The following SHROOM4 variants were observed in gnomAD, a reference collection of about 807,000 sequenced individuals.
The protein encoded by SHROOM4 is protein Shroom4.
A neutral mutation model predicts 80.3 loss-of-function variants in SHROOM4; 17 were observed. That is an observed-to-expected ratio of 0.21 (90% confidence interval 0.14 to 0.32). The LOEUF is 0.32. Ranked by LOEUF, SHROOM4 falls within the 10% of genes least tolerant of loss-of-function variation. The probability of loss-of-function intolerance (pLI) is 1.00; values close to 1 mark genes in which losing one functional copy is unlikely to be tolerated. For synonymous variants in SHROOM4, 400 were observed against 437.5 expected (o/e 0.91, Z 1.07); for missense variants, 993 against 1,140.3 (o/e 0.87, Z 1.86).
At chrX:50,722,276 T>C (rs1238434575) in intron 1 of SHROOM4, among the ~76,000 whole-genome samples, 19 of 108,568 alleles carry the variant, frequency 1.8e-4, no homozygotes, top group African/African-American at 6.0e-4. Flanking sequence ...CCCACAGCAA[T>C]GTTCTGGGAA....
At chrX:50,778,194 G>A (rs1266393861) in intron 1 of SHROOM4, among the ~76,000 whole-genome samples, 2 of 112,221 alleles carry the variant, frequency 1.8e-5, no homozygotes, top group Non-Finnish European at 3.8e-5. Flanking sequence ...AGACTCTTGA[G>A]TACCCTTCAC....
rs1928804518 is a variant in SHROOM4 at position 50,588,519 on chromosome X, ATG to A, written c.*8174_*8175del. Among the ~76,000 whole-genome samples, 1 of 111,970 alleles carries A rather than the reference ATG, an allele frequency of 8.9e-6. No individual in the cohort carries two copies. The highest frequency in any genetic ancestry group is 1.9e-5 in the Non-Finnish European group (1 of 53,182). ...AGTTAAACATGCTCAAGGTTACACAATGTGTAAGTGGTGGAGCCAGTATGAAA... is the reference window on the plus strand; with the variant it reads ...AGTTAAACATGCTCAAGGTTACACAATGTAAGTGGTGGAGCCAGTATGAAA... On this transcript the variant is annotated 3_prime_UTR_variant, in exon 9 of 9. Transcript: ENST00000376020.
At chrX:50,701,444 GTCACCTCTA>G (rs1481856274) in intron 1 of SHROOM4, among the ~76,000 whole-genome samples, 1 of 111,509 alleles carries the variant, frequency 9.0e-6, no homozygotes. Context: ...CTGGGGCTCT[GTCACCTCTA>G]GCCATTTGTT....
chrX:50,619,037 T>G (rs1930465366), intron 5 of SHROOM4, among the ~76,000 whole-genome samples: 1 of 112,003 alleles, frequency 8.9e-6, no homozygotes, highest in African/African-American at 3.3e-5. Context: ...GGAGACTACA[T>G]CTCAAAAACA....
chrX:50,608,143 G>A lies in SHROOM4; in HGVS notation c.2999C>T (p.Pro1000Leu), dbSNP rs1458307733. Reference protein sequence around the residue: ...HSKTSFSWATPFHPCLENPAL... With the variant: ...HSKTSFSWATLFHPCLENPAL... Reference sequence around the variant, plus strand: ...TGGGTTCTCAAGGCAAGGATGGAAAGGGGTTGCCCATGAAAAGCTAGTCTT... The same window carrying A: ...TGGGTTCTCAAGGCAAGGATGGAAAAGGGTTGCCCATGAAAAGCTAGTCTT... The change falls in exon 6 of 9, where the codon CCT (proline) becomes CTT (leucine). Residue 1000 changes from proline (P) to leucine (L), a missense_variant. By Grantham distance (98) the Pro-to-Leu change is moderately conservative. Transcript: ENST00000376020. 8.3e-7 allele frequency: 1 copy of A among 1,210,049 alleles called. No homozygotes were observed.
intron 4 of SHROOM4, among the ~76,000 whole-genome samples, chrX:50,632,636 G>A (rs1255341436): frequency 1.8e-5 from 2 of 112,256 alleles, no homozygotes; most frequent in Admixed American, 1.9e-4. Flanking sequence ...AAAGCCTGGG[G>A]ATATTTGCAA....
intron 1 of SHROOM4, among the ~76,000 whole-genome samples, chrX:50,745,867 C>A (rs1934763982): frequency 9.0e-6 from 1 of 111,577 alleles, no homozygotes; most frequent in African/African-American, 3.3e-5. Flanking sequence ...ATAAGTGATT[C>A]TCAATTTGTT....
At chrX:50,656,632 C>G (rs1557259479) in intron 2 of SHROOM4, among the ~76,000 whole-genome samples, 2 of 110,566 alleles carry the variant, frequency 1.8e-5, no homozygotes. Context: ...ATGCCAGTAC[C>G]ATACTGTTTT....
At chrX:50,687,181 T>A (rs1557262313) in intron 2 of SHROOM4, 1 of 110,949 alleles carries the variant, frequency 9.0e-6, no homozygotes, top group African/African-American at 3.3e-5. Flanking sequence ...GCAAACTTAG[T>A]CTGTGAAGGG....
intron 2 of SHROOM4, among the ~76,000 whole-genome samples, chrX:50,645,102 T>C (rs1191377741): frequency 1.8e-5 from 2 of 111,652 alleles, no homozygotes; most frequent in African/African-American, 6.5e-5. Context: ...ACTCTCAAAT[T>C]GTAGTGGGCA....
At chrX:50,645,622 G>A (rs782799257) in intron 2 of SHROOM4, among the ~76,000 whole-genome samples, 19 of 111,935 alleles carry the variant, frequency 1.7e-4, no homozygotes, top group Admixed American at 4.7e-4. Context: ...GAAATCCTTC[G>A]TTGAGGGAAG....
intron 3 of SHROOM4, among the ~76,000 whole-genome samples, chrX:50,637,572 C>T (rs1451735245): frequency 4.4e-5 from 5 of 112,693 alleles, no homozygotes; most frequent in Non-Finnish European, 9.4e-5. Flanking sequence ...TAAACGCAAC[C>T]CTTAGTTTCT....
intron 5 of SHROOM4, among the ~76,000 whole-genome samples, chrX:50,608,430 G>A (rs1929798614): frequency 9.0e-6 from 1 of 111,718 alleles, no homozygotes; most frequent in Non-Finnish European, 1.9e-5. Context: ...AATAACCCCA[G>A]GAGGTAGCTA....
intron 1 of SHROOM4, among the ~76,000 whole-genome samples, chrX:50,744,102 TCTTA>T (rs782014166): frequency 9.8e-5 from 11 of 111,758 alleles, no homozygotes; most frequent in Non-Finnish European, 2.1e-4. Flanking sequence ...TTTGAGTTTA[TCTTA>T]CTTGGAGCTC....
chrX:50,723,132 G>T (rs936051844), intron 1 of SHROOM4, among the ~76,000 whole-genome samples: 2 of 103,710 alleles, frequency 1.9e-5, no homozygotes, highest in Admixed American at 2.1e-4. Context: ...TGATGTCAAG[G>T]GAAATGATGG....
At chrX:50,654,549 AG>A (rs1394863335) in intron 2 of SHROOM4, among the ~76,000 whole-genome samples, 3 of 111,114 alleles carry the variant, frequency 2.7e-5, no homozygotes, top group Non-Finnish European at 5.7e-5. Flanking sequence ...TTTTGTGGTG[AG>A]AACATCTAAG....
intron 1 of SHROOM4, among the ~76,000 whole-genome samples, chrX:50,725,201 C>G (rs1934217750): frequency 8.9e-6 from 1 of 111,983 alleles, no homozygotes; most frequent in Non-Finnish European, 1.9e-5. Flanking sequence ...GGATTTCACC[C>G]CAGAAGGGGA....
At chrX:50,649,156 C>T (rs782395326) in intron 2 of SHROOM4, among the ~76,000 whole-genome samples, 1 of 112,149 alleles carries the variant, frequency 8.9e-6, no homozygotes, top group South Asian at 3.7e-4. Context: ...AGGCTGATAT[C>T]AGTAATCTAA....
chrX:50,635,310 A>C lies in SHROOM4; in HGVS notation c.763T>G (p.Ser255Ala). The C allele has an allele frequency of 3.3e-6, 4 of 1,201,882 alleles. No individual in the cohort carries two copies. Among genetic ancestry groups the C allele is most frequent in the Non-Finnish European group, 3.4e-6 (3 of 890,382 alleles). Residue 255 changes from serine to alanine, a missense_variant, in exon 4 of 9, where the codon TCA becomes GCA. Transcript: ENST00000376020. The part of the protein sequence containing the change: ...GGHLTPSSQM[S>A]SRPQEGYQSG... Reference sequence around the variant, plus strand: ...TGGTATCCCTCCTGTGGACGGGATGACATCTGAGAGCTGGGGGTCAGGTGG... The same window carrying C: ...TGGTATCCCTCCTGTGGACGGGATGCCATCTGAGAGCTGGGGGTCAGGTGG...
Sources: gnomAD v4.1 joint callset for allele counts (sites outside exome capture counted in the v4.1 genomes callset) on GRCh38, gnomAD v4.1.1 for gene constraint, MANE v1.5 for transcripts, NCBI Gene and HGNC (gene_info 2026-07-23, HGNC 2026-07-21) for gene names.